SPTLC1: variants seen among roughly 807,000 people sequenced by gnomAD.
The protein encoded by SPTLC1 is serine palmitoyltransferase long chain base subunit 1, also known as serine palmitoyltransferase 1.
SPTLC1 carries 55 observed loss-of-function variants against 68.9 expected under a neutral mutation model. That is an observed-to-expected ratio of 0.80 (90% CI 0.64 to 1.00). The LOEUF (loss-of-function observed/expected upper bound fraction) is 1.00, where lower values mean the gene tolerates loss of function less well. SPTLC1 is among the 50% of genes least tolerant of loss of function. The pLI is 0.00. For synonymous variants in SPTLC1, 197 were observed against 201.6 expected (o/e 0.98, Z 0.19); for missense variants, 449 against 573.1 (o/e 0.78, Z 2.21).
rs1834006237 is a variant in SPTLC1, at chr9:92,059,297, G to A, written c.572C>T (p.Ala191Val). ...RGDIVFVDRA[A>V]CFAIQKGLQA... is the part of the protein sequence containing the mutation. ...TAATCCTTTCTGAATAGCAAAGCAG[G>A]CAGCTCTATCTCTGCAAGGAAAAGA... Residue 191 changes from alanine (A) to valine (V), a missense_variant, in exon 7 of 15, where the codon GCC (alanine) becomes GTC (valine). Ala to Val is a moderately conservative substitution (Grantham distance 64). Around this residue, in one of 3 missense-constraint regions of SPTLC1, gnomAD observed 391 missense variants for 472.1 expected, o/e 0.83. Coordinates refer to ENST00000262554, the MANE Select transcript of SPTLC1 (RefSeq NM_006415.4). 1 of 1,613,910 alleles carries A rather than the reference G, an allele frequency of 6.2e-7. No homozygotes were observed. The highest frequency in any genetic ancestry group is 1.3e-5 in the African/African-American group (1 of 74,928).
chr9:92,057,158 C>G (rs1833921695), intron 7 of SPTLC1, among the ~76,000 whole-genome samples: 1 of 152,196 alleles, frequency 6.6e-6, no homozygotes, highest in Non-Finnish European at 1.5e-5. Flanking sequence ...ATTTTAAAAA[C>G]ATTATGCTGT....
intron 4 of SPTLC1, 129 bp downstream of exon 4, chr9:92,080,741 T>C (rs1281331926): frequency 1.3e-6 from 1 of 745,874 alleles, no homozygotes; most frequent in East Asian, 2.7e-5. Context: ...GGTTTCACCA[T>C]GTTGGCCAGG....
At chr9:92,081,282 A>C (rs1246416471) in intron 3 of SPTLC1, among the ~76,000 whole-genome samples, 1 of 152,222 alleles carries the variant, frequency 6.6e-6, no homozygotes, top group African/African-American at 2.4e-5. Context: ...CTGCTAAATA[A>C]AGTATCTCAG....
intron 8 of SPTLC1, chr9:92,053,898 T>A: frequency 2.2e-6 from 2 of 905,982 alleles, no homozygotes; most frequent in Non-Finnish European, 2.6e-6. Context: ...TTTAAATTGG[T>A]TAATTTTGTG....
intron 3 of SPTLC1, among the ~76,000 whole-genome samples, chr9:92,096,594 G>C (rs548350187): frequency 6.6e-6 from 1 of 152,274 alleles, no homozygotes; most frequent in African/African-American, 2.4e-5. Context: ...AAGGGAAATA[G>C]TCTTTTCAAC....
At chr9:92,074,091 G>A (rs148252087) in intron 5 of SPTLC1, among the ~76,000 whole-genome samples, 41 of 152,074 alleles carry the variant, frequency 2.7e-4, no homozygotes, top group Non-Finnish European at 5.6e-4. Context: ...GAAGACTGAC[G>A]TTGCCCGAAT....
chr9:92,051,095 C>G, intron 8 of SPTLC1: 6 of 985,030 alleles, frequency 6.1e-6, no homozygotes, highest in Non-Finnish European at 7.2e-6. Flanking sequence ...TTCTGGTTCA[C>G]TACCTCCCTC....
intron 5 of SPTLC1, among the ~76,000 whole-genome samples, chr9:92,069,229 T>C (rs7020136): frequency 0.53 from 81,150 of 152,082 alleles, 24,778 homozygotes; most frequent in African/African-American, 0.85. Flanking sequence ...CAGGAGGCAG[T>C]ATATTTACAG....
intron 13 of SPTLC1, among the ~76,000 whole-genome samples, chr9:92,037,809 G>A (rs1480552609): frequency 6.6e-6 from 1 of 152,196 alleles, no homozygotes; most frequent in African/African-American, 2.4e-5. Flanking sequence ...GTGACTGTGA[G>A]TGGACTGTCC....
chr9:92,054,514 T>C (rs1391661656), intron 8 of SPTLC1, among the ~76,000 whole-genome samples: 1 of 152,214 alleles, frequency 6.6e-6, no homozygotes, highest in East Asian at 1.9e-4. Context: ...TGGTGGTGGA[T>C]GGCTGCAGTG....
At chr9:92,046,142 T>C (rs1364863099) in intron 11 of SPTLC1, 89 bp from the exon 12 acceptor site, 2 of 1,104,064 alleles carry the variant, frequency 1.8e-6, no homozygotes, top group East Asian at 5.1e-5. Flanking sequence ...ATCAAGTTCA[T>C]CAATTTAAAA....
chr9:92,090,458 AAAT>A (rs1417027592), intron 3 of SPTLC1, among the ~76,000 whole-genome samples: 2 of 151,896 alleles, frequency 1.3e-5, no homozygotes, highest in Admixed American at 1.3e-4. Context: ...AAAATACAAA[AAAT>A]ATTAGCCGGG....
chr9:92,055,300 T>C (rs1302046526), intron 8 of SPTLC1, 105 bp downstream of exon 8: 1 of 1,561,230 alleles, frequency 6.4e-7, no homozygotes, highest in African/African-American at 1.4e-5. Flanking sequence ...TGAGGCCTAA[T>C]GCGCAAAGCA....
chr9:92,088,066 T>C (rs1835222236), intron 3 of SPTLC1, among the ~76,000 whole-genome samples: 1 of 152,226 alleles, frequency 6.6e-6, no homozygotes, highest in Non-Finnish European at 1.5e-5. Context: ...AGGGATATAA[T>C]CTCCTGGTGG....
chr9:92,041,448 TAA>T (rs1406096541), intron 12 of SPTLC1, among the ~76,000 whole-genome samples: 1 of 152,098 alleles, frequency 6.6e-6, no homozygotes, highest in South Asian at 2.1e-4. Context: ...TTTACATAAA[TAA>T]AAAGTTAAAA....
intron 5 of SPTLC1, chr9:92,070,226 A>G (rs893845183): frequency 2.0e-5 from 3 of 152,180 alleles, no homozygotes; most frequent in Non-Finnish European, 4.4e-5. Context: ...AGGTTTTGTG[A>G]CAGGTAAATA....
At chr9:92,083,291 T>G (rs935398005) in intron 3 of SPTLC1, among the ~76,000 whole-genome samples, 5 of 152,336 alleles carry the variant, frequency 3.3e-5, no homozygotes, top group East Asian at 1.9e-4. Flanking sequence ...TTACTTTTGG[T>G]GTTTTAGACA....
rs1834653587 is a variant in SPTLC1 at position 92,075,557 on chromosome 9, T to C, written c.427+4459A>G. 2.0e-5 allele frequency among the ~76,000 whole-genome samples: 3 copies of C among 152,326 alleles called. No individual in the cohort carries two copies. The South Asian group carries it at 6.2e-4, about 32-fold the overall frequency. ...GGAATTCTTACTCAGGAACCAGGCCTGTGACCAGTAGCCTTTGTATTCAAA... is the reference window on the plus strand; with the variant it reads ...GGAATTCTTACTCAGGAACCAGGCCCGTGACCAGTAGCCTTTGTATTCAAA... On this transcript the variant is annotated intron_variant, in intron 5 of 14. Coordinates refer to ENST00000262554, the MANE Select transcript of SPTLC1 (RefSeq NM_006415.4).
chr9:92,078,608 G>A (rs776598555), intron 5 of SPTLC1, among the ~76,000 whole-genome samples: 3 of 152,136 alleles, frequency 2.0e-5, no homozygotes, highest in Admixed American at 6.5e-5. Context: ...ACAGGTTCAC[G>A]CTAGTGCCAG....
Sources: gnomAD v4.1 joint callset for allele counts (sites outside exome capture counted in the v4.1 genomes callset) on GRCh38, gnomAD v4.1.1 for gene constraint, gnomAD v4.1.1 regional missense constraint, MANE v1.5 for transcripts, NCBI Gene and HGNC (gene_info 2026-07-23, HGNC 2026-07-21) for gene names.